RMND5A: variants seen among roughly 807,000 people sequenced by gnomAD.
RMND5A encodes E3 ubiquitin-protein transferase RMND5A.
RMND5A carries 17 observed loss-of-function variants against 49.7 expected under a neutral mutation model. The observed-to-expected ratio is 0.34, with a 90% CI of 0.23 to 0.51. The LOEUF (loss-of-function observed/expected upper bound fraction) is 0.51. Ranked by LOEUF, RMND5A falls within the 20% of genes least tolerant of loss-of-function variation. The probability of loss-of-function intolerance (pLI) is 0.96; values close to 1 mark genes in which losing one functional copy is unlikely to be tolerated. For missense variants in RMND5A, 255 were observed against 471.3 expected, an observed-to-expected ratio of 0.54 and a Z score of 4.25; for synonymous variants, 156 against 167.7, an observed-to-expected ratio of 0.93 and a Z score of 0.54.
rs1558729800 is a variant in RMND5A, at chr2:86,776,574, CAGTGGCT to C, written c.*3164_*3170del. 6.6e-6 allele frequency: 1 copy of C among 152,180 alleles called. No individual in the cohort carries two copies. The highest frequency in any genetic ancestry group is 1.5e-5 in the Non-Finnish European group (1 of 68,032). 9.4% of individuals were successfully genotyped at this position (152,180 alleles called of 1,614,324 possible). On this transcript the variant is annotated 3_prime_UTR_variant, in exon 9 of 9. Coordinates refer to ENST00000283632, the MANE Select transcript of RMND5A (RefSeq NM_022780.4). ...TTTATGCTGCGATTGATTTCCACCTCAGTGGCTTAGCCTTTGGGACAGTGGATACTGC... is the reference window on the plus strand; with the variant it reads ...TTTATGCTGCGATTGATTTCCACCTCTAGCCTTTGGGACAGTGGATACTGC...
At chr2:86,768,561 G>C (rs1295730955) in intron 6 of RMND5A, among the ~76,000 whole-genome samples, 1 of 152,228 alleles carries the variant, frequency 6.6e-6, no homozygotes, top group African/African-American at 2.4e-5. Flanking sequence ...CTGTATTAGA[G>C]TGGCAACAAG....
chr2:86,742,625 C>T (rs1681467533), intron 2 of RMND5A, among the ~76,000 whole-genome samples: 1 of 151,662 alleles, frequency 6.6e-6, no homozygotes, highest in South Asian at 2.1e-4. Context: ...GGGTGAAGAA[C>T]CCTCAGTTCC....
At chr2:86,770,709 C>T (rs947255674) in intron 7 of RMND5A, among the ~76,000 whole-genome samples, 3 of 152,182 alleles carry the variant, frequency 2.0e-5, no homozygotes, top group African/African-American at 7.2e-5. Flanking sequence ...AAGACAAGCA[C>T]CAGCTTTCTC....
rs893340048 is a variant in RMND5A at position 86,720,947 on chromosome 2, C to T, written c.142+138C>T. On this transcript the variant is annotated intron_variant, in intron 1 of 8. Transcript: ENST00000283632. ...CCCCTGAGGCGCGGAGGCCCCCAGA[C>T]CCCTGAGACTTTTTCCCCTCTTCGT... is the stretch of plus-strand genomic sequence containing the variant. 1.0e-5 allele frequency: 7 copies of T among 681,940 alleles called. 1 individual carries two copies. Among genetic ancestry groups the T allele is most frequent in the Admixed American group, 3.7e-5 (1 of 27,206 alleles). 42.2% of individuals were successfully genotyped at this position (681,940 alleles called of 1,614,324 possible).
Position 86,765,955 on chromosome 2 carries a change from T to C in RMND5A, c.785T>C (p.Ile262Thr), listed in dbSNP as rs768728529. Reference protein sequence around the residue: ...HLLDANQWADICDIFTRDACA... With the variant: ...HLLDANQWADTCDIFTRDACA... Reference sequence around the variant, plus strand: ...CTTGATGCAAACCAGTGGGCTGATATCTGTGACATCTTTACACGGGATGCT... The same window carrying C: ...CTTGATGCAAACCAGTGGGCTGATACCTGTGACATCTTTACACGGGATGCT... Residue 262 changes from isoleucine to threonine, a missense_variant, in exon 6 of 9, where the codon ATC becomes ACC. Transcript: ENST00000283632. The C allele has an allele frequency of 7.4e-6, 12 of 1,614,196 alleles. No homozygotes were observed. In the Admixed American group the frequency reaches 1.8e-4, roughly 25 times the overall value.
intron 2 of RMND5A, among the ~76,000 whole-genome samples, chr2:86,750,705 C>T (rs1681620220): frequency 2.6e-5 from 4 of 151,206 alleles, no homozygotes; most frequent in Admixed American, 1.3e-4. Flanking sequence ...TGTTTCTCTT[C>T]TCCTAGTATT....
At chr2:86,763,734 C>A (rs1558725862) in intron 4 of RMND5A, among the ~76,000 whole-genome samples, 1 of 151,992 alleles carries the variant, frequency 6.6e-6, no homozygotes, top group Non-Finnish European at 1.5e-5. Flanking sequence ...CACGATTACA[C>A]TACTGCACAG....
intron 8 of RMND5A, 76 bp from the exon 9 acceptor site, chr2:86,773,272 C>T (rs1386450356): frequency 5.2e-6 from 4 of 768,570 alleles, no homozygotes; most frequent in Middle Eastern, 2.4e-4. Flanking sequence ...GTTAAAGATA[C>T]TCTATAACTA....
Position 86,770,115 on chromosome 2 carries a change from A to G in RMND5A, c.947A>G (p.Asp316Gly). ...RQCTGVWNQK[D>G]ELPIEVDLGK... ...TGTACTGGAGTTTGGAACCAGAAAG[A>G]TGAATTACCTGTGAGTTCCATTTTC... Residue 316 changes from aspartate to glycine, a missense_variant, in exon 7 of 9, where the codon GAT (aspartate) becomes GGT (glycine). Asp to Gly is a moderately conservative substitution (Grantham distance 94, BLOSUM62 -1). Transcript: ENST00000283632. 6.2e-7 allele frequency: 1 copy of G among 1,609,774 alleles called. No homozygotes were observed. Among genetic ancestry groups the G allele is most frequent in the Non-Finnish European group, 8.5e-7 (1 of 1,176,042 alleles).
intron 4 of RMND5A, among the ~76,000 whole-genome samples, chr2:86,763,528 G>A (rs955147816): frequency 4.0e-5 from 6 of 151,812 alleles, no homozygotes; most frequent in East Asian, 3.9e-4. Context: ...ACCTGTAACC[G>A]CAGCACTTTG....
intron 5 of RMND5A, 194 bp from the exon 6 acceptor site, chr2:86,765,665 C>G (rs1672578149): frequency 3.6e-6 from 2 of 551,530 alleles, no homozygotes; most frequent in Non-Finnish European, 3.2e-6. Context: ...ATTTTCACTG[C>G]TTTCCTTTTC....
intron 2 of RMND5A, among the ~76,000 whole-genome samples, chr2:86,744,010 A>G (rs1184761630): frequency 1.3e-5 from 2 of 151,636 alleles, no homozygotes; most frequent in South Asian, 2.1e-4. Context: ...CATACATACT[A>G]TATTATTTAG....
chr2:86,766,661 C>CAAAAA lies in RMND5A; in HGVS notation c.854+654_854+658dup, dbSNP rs59511898. On this transcript the variant is annotated intron_variant, in intron 6 of 8. Transcript: ENST00000283632. Reference sequence around the variant, plus strand: ...CCCGTGCAACAATGCGAGACTGTCTCAAAAAAAAAAAAAAAAAAAAAGAAA... The same window carrying CAAAAA: ...CCCGTGCAACAATGCGAGACTGTCTCAAAAAAAAAAAAAAAAAAAAAAAAAAGAAA... 4.6e-3 allele frequency among the ~76,000 whole-genome samples: 348 copies of CAAAAA among 75,056 alleles called. 1 individual carries two copies. Among genetic ancestry groups the CAAAAA allele is most frequent in the Middle Eastern group, 0.023 (3 of 132 alleles). 49.2% of individuals were successfully genotyped at this position (75,056 alleles called of 152,430 possible).
chr2:86,765,666 TTTCC>T, intron 5 of RMND5A, 189 bp from the exon 6 acceptor site: 1 of 556,134 alleles, frequency 1.8e-6, no homozygotes, highest in South Asian at 2.4e-5. Context: ...TTTTCACTGC[TTTCC>T]TTTTCTTCCC....
chr2:86,747,286 T>C (rs1681553980), intron 2 of RMND5A, among the ~76,000 whole-genome samples: 1 of 152,248 alleles, frequency 6.6e-6, no homozygotes, highest in African/African-American at 2.4e-5. Context: ...GGGCATCTTC[T>C]CATGTTTAAC....
intron 2 of RMND5A, among the ~76,000 whole-genome samples, chr2:86,744,636 A>T (rs1046311189): frequency 1.3e-5 from 2 of 152,210 alleles, no homozygotes; most frequent in Non-Finnish European, 2.9e-5. Context: ...TGTCTCTGAA[A>T]ATATAAGCAG....
Position 86,773,395 on chromosome 2 carries a change from A to G in RMND5A, c.1160A>G (p.Lys387Arg), listed in dbSNP as rs202224251. 1.2e-6 allele frequency: 2 copies of G among 1,605,838 alleles called. No homozygotes were observed. Among genetic ancestry groups the G allele is most frequent in the Non-Finnish European group, 8.5e-7 (1 of 1,172,630 alleles). Residue 387 changes from lysine to arginine, a missense_variant, in exon 9 of 9, where the codon AAA (lysine) becomes AGA (arginine). By Grantham distance (26) the Lys-to-Arg change is conservative (BLOSUM62 2). Around this residue, in one of 3 missense-constraint regions of RMND5A, gnomAD observed 208 missense variants for 339.8 expected, o/e 0.61. Coordinates refer to ENST00000283632, the MANE Select transcript of RMND5A (RefSeq NM_022780.4). ...ATGGAACAAAGTCCAGGAGATGCCA[A>G]ACAGATATTTTTCTGAAGAGATAAC... ...CPMEQSPGDA[K>R]QIFF
intron 2 of RMND5A, among the ~76,000 whole-genome samples, chr2:86,749,868 G>A (rs1681603329): frequency 6.6e-6 from 1 of 152,194 alleles, no homozygotes; most frequent in African/African-American, 2.4e-5. Context: ...TAGAGATAGG[G>A]TAGATAGCTG....
chr2:86,753,045 A>G (rs1360848868), intron 3 of RMND5A, among the ~76,000 whole-genome samples: 1 of 152,164 alleles, frequency 6.6e-6, no homozygotes, highest in Admixed American at 6.5e-5. Context: ...AGACGTCCAC[A>G]GCATGTTTGG....
Sources: gnomAD v4.1 joint callset for allele counts (sites outside exome capture counted in the v4.1 genomes callset) on GRCh38, gnomAD v4.1.1 for gene constraint, gnomAD v4.1.1 regional missense constraint, MANE v1.5 for transcripts, NCBI Gene and HGNC (gene_info 2026-07-23, HGNC 2026-07-21) for gene names.